Variants in ZNF704 observed in about 807,000 individuals in gnomAD.
ZNF704 encodes zinc finger protein 704, also known as glucocorticoid induced gene 1.
Under a neutral mutation model 44.7 loss-of-function variants are expected in ZNF704, and 10 were observed. The ratio of observed to expected loss-of-function variants is 0.22; its 90% CI spans 0.14 to 0.38. The LOEUF (loss-of-function observed/expected upper bound fraction) is 0.38. ZNF704 is among the 10% of genes least tolerant of loss of function. The pLI, the probability that ZNF704 is intolerant of heterozygous loss-of-function variation, is 1.00. For missense variants in ZNF704, 390 were observed against 545.5 expected (o/e 0.71, Z 2.84); for synonymous variants, 211 against 207.6 (o/e 1.02, Z -0.14).
At chr8:80,668,696 G>A (rs1249394051) in intron 5 of ZNF704, among the ~76,000 whole-genome samples, 1 of 152,148 alleles carries the variant, frequency 6.6e-6, no homozygotes, top group Non-Finnish European at 1.5e-5. Context: ...TTTTATACAG[G>A]CATGGTGTGT....
At chr8:80,839,013 G>A (rs147029823) in intron 1 of ZNF704, among the ~76,000 whole-genome samples, 7 of 152,322 alleles carry the variant, frequency 4.6e-5, no homozygotes, top group South Asian at 2.1e-4. Flanking sequence ...GCAGAGTTCC[G>A]GCCCAGAGGC....
At chr8:80,832,372 G>A (rs1057047202) in intron 1 of ZNF704, among the ~76,000 whole-genome samples, 10 of 152,074 alleles carry the variant, frequency 6.6e-5, no homozygotes, top group African/African-American at 1.9e-4. Flanking sequence ...AGATCATAAC[G>A]GCGCATCAGA....
chr8:80,652,072 G>A (rs1411009149), intron 7 of ZNF704, among the ~76,000 whole-genome samples: 1 of 152,192 alleles, frequency 6.6e-6, no homozygotes, highest in Non-Finnish European at 1.5e-5. Flanking sequence ...TGACTACTGG[G>A]TACATCACGA....
intron 7 of ZNF704, among the ~76,000 whole-genome samples, chr8:80,650,318 ATGACTT>A (rs1396408793): frequency 6.6e-6 from 1 of 152,230 alleles, no homozygotes. Flanking sequence ...TGGATGGAAA[ATGACTT>A]TGACAAGTTG....
rs1308018143 is a variant in ZNF704, at chr8:80,821,619, T to C, written c.-21-4A>G. 6.2e-7 allele frequency: 1 copy of C among 1,606,678 alleles called. No homozygotes were observed. Among genetic ancestry groups the C allele is most frequent in the Non-Finnish European group, 8.5e-7 (1 of 1,174,706 alleles). Reference sequence around the variant, plus strand: ...TTTCCCGCTTAATGCTCCCCACCTGTGAAATGAAACACAGAAATTCTTACT... The same window carrying C: ...TTTCCCGCTTAATGCTCCCCACCTGCGAAATGAAACACAGAAATTCTTACT... On this transcript the variant is annotated splice_polypyrimidine_tract_variant and splice_region_variant and intron_variant, in intron 1 of 8. Coordinates refer to ENST00000327835, the MANE Select transcript of ZNF704 (RefSeq NM_001033723.3).
chr8:80,858,813 G>C (rs1042159652), intron 1 of ZNF704, among the ~76,000 whole-genome samples: 1 of 152,128 alleles, frequency 6.6e-6, no homozygotes, highest in Non-Finnish European at 1.5e-5. Flanking sequence ...TGTGGTCAAA[G>C]GATATCCTCT....
chr8:80,709,442 C>CAAAAA (rs780264820), intron 2 of ZNF704, among the ~76,000 whole-genome samples: 5 of 15,886 alleles, frequency 3.1e-4, no homozygotes, highest in Non-Finnish European at 4.0e-4. Flanking sequence ...GACTCCATCT[C>CAAAAA]AAAAAAAAAA....
chr8:80,734,311 G>T (rs1320331515), intron 2 of ZNF704, among the ~76,000 whole-genome samples: 8 of 152,200 alleles, frequency 5.3e-5, no homozygotes. Context: ...AGGACCCTGG[G>T]AATATTTCCA....
At chr8:80,850,831 C>T (rs1808846041) in intron 1 of ZNF704, among the ~76,000 whole-genome samples, 1 of 152,178 alleles carries the variant, frequency 6.6e-6, no homozygotes, top group Non-Finnish European at 1.5e-5. Flanking sequence ...TGAAACACCT[C>T]ACCTGGGAAC....
At chr8:80,712,291 A>C (rs1231196543) in intron 2 of ZNF704, among the ~76,000 whole-genome samples, 1 of 152,178 alleles carries the variant, frequency 6.6e-6, no homozygotes, top group Non-Finnish European at 1.5e-5. Flanking sequence ...CAGCCCCTCC[A>C]TCTTGGACTT....
chr8:80,688,595 T>A (rs1352371421), intron 3 of ZNF704, among the ~76,000 whole-genome samples: 1 of 152,202 alleles, frequency 6.6e-6, no homozygotes, highest in Non-Finnish European at 1.5e-5. Flanking sequence ...GTCCCTGGGC[T>A]GTAAACAACC....
intron 1 of ZNF704, among the ~76,000 whole-genome samples, chr8:80,862,764 CAAAAAAAAAAA>C (rs71266094): frequency 4.6e-4 from 6 of 13,098 alleles, no homozygotes; most frequent in East Asian, 2.4e-3. Flanking sequence ...GACTCCGTCT[CAAAAAAAAAAA>C]AAAAAAAAAA....
At chr8:80,649,568 T>C (rs1188018190) in intron 7 of ZNF704, among the ~76,000 whole-genome samples, 1 of 152,218 alleles carries the variant, frequency 6.6e-6, no homozygotes, top group Admixed American at 6.5e-5. Flanking sequence ...CACTCATTGC[T>C]ACCACAGCAG....
chr8:80,817,068 C>T (rs1808188017), intron 2 of ZNF704, among the ~76,000 whole-genome samples: 1 of 152,054 alleles, frequency 6.6e-6, no homozygotes, highest in Admixed American at 6.6e-5. Context: ...CAATCAGTTG[C>T]CATTTTTTCA....
At chr8:80,672,977 A>G (rs1047756477) in intron 4 of ZNF704, among the ~76,000 whole-genome samples, 1 of 152,238 alleles carries the variant, frequency 6.6e-6, no homozygotes, top group African/African-American at 2.4e-5. Context: ...TAATTAACGT[A>G]GTAAATAACA....
chr8:80,679,715 C>T (rs1818422832), intron 4 of ZNF704, among the ~76,000 whole-genome samples: 1 of 152,234 alleles, frequency 6.6e-6, no homozygotes, highest in South Asian at 2.1e-4. Flanking sequence ...TTGGGAACCA[C>T]TCTGTGCCTG....
intron 2 of ZNF704, among the ~76,000 whole-genome samples, chr8:80,714,804 G>T (rs1359435307): frequency 6.6e-6 from 1 of 152,142 alleles, no homozygotes; most frequent in Non-Finnish European, 1.5e-5. Context: ...GGAGAGGGTG[G>T]CAAGAGGCAG....
intron 1 of ZNF704, among the ~76,000 whole-genome samples, chr8:80,831,916 A>C (rs1808478049): frequency 6.6e-6 from 1 of 152,214 alleles, no homozygotes; most frequent in African/African-American, 2.4e-5. Flanking sequence ...CGAACACTAT[A>C]ACTTCTATTG....
intron 1 of ZNF704, among the ~76,000 whole-genome samples, chr8:80,864,584 C>A (rs1244980422): frequency 6.6e-6 from 1 of 152,156 alleles, no homozygotes; most frequent in Non-Finnish European, 1.5e-5. Flanking sequence ...AATTACCAAG[C>A]CCTTTTCTCC....
Sources: allele counts gnomAD v4.1 joint callset (sites outside exome capture counted in the v4.1 genomes callset), GRCh38; gene constraint gnomAD v4.1.1; transcripts MANE v1.5; gene names NCBI Gene and HGNC (gene_info 2026-07-23, HGNC 2026-07-21).